Variants in ATP13A5 observed in about 807,000 individuals in gnomAD.
The protein encoded by ATP13A5 is ATPase 13A5.
ATP13A5 carries 149 observed loss-of-function variants against 150.2 expected under a neutral mutation model. That is an observed-to-expected ratio of 0.99 (90% CI 0.87 to 1.14). The LOEUF (loss-of-function observed/expected upper bound fraction) is 1.14. ATP13A5 is among the 50% of genes most tolerant of loss of function. The probability of loss-of-function intolerance (pLI) is 0.00; values close to 1 mark genes in which losing one functional copy is unlikely to be tolerated. For missense variants in ATP13A5, 1,383 were observed against 1,449.3 expected, an observed-to-expected ratio of 0.95 and a Z score of 0.74; for synonymous variants, 497 against 522.2, an observed-to-expected ratio of 0.95 and a Z score of 0.66.
At chr3:193,321,067 C>T (rs975900390) in intron 16 of ATP13A5, among the ~76,000 whole-genome samples, 4 of 152,200 alleles carry the variant, frequency 2.6e-5, no homozygotes, top group Admixed American at 1.3e-4. Context: ...CTCCATTTCC[C>T]TCATTCACAC....
chr3:193,339,070 T>C (rs1220227078), intron 9 of ATP13A5, among the ~76,000 whole-genome samples: 3 of 151,800 alleles, frequency 2.0e-5, no homozygotes, highest in East Asian at 1.9e-4. Flanking sequence ...TCTGTGGGAT[T>C]GGTGGTGATA....
chr3:193,290,678 C>G (rs1717915031), intron 25 of ATP13A5, among the ~76,000 whole-genome samples: 1 of 152,048 alleles, frequency 6.6e-6, no homozygotes, highest in Non-Finnish European at 1.5e-5. Context: ...AATATTGCTT[C>G]TAGATGAGAG....
chr3:193,297,579 C>T (rs1490586780), intron 25 of ATP13A5, among the ~76,000 whole-genome samples: 1 of 152,000 alleles, frequency 6.6e-6, no homozygotes, highest in African/African-American at 2.4e-5. Context: ...ATTAAAGTGC[C>T]GTCACTCTGA....
At chr3:193,292,247 G>A (rs1381374277) in intron 25 of ATP13A5, among the ~76,000 whole-genome samples, 1 of 152,088 alleles carries the variant, frequency 6.6e-6, no homozygotes, top group Admixed American at 6.5e-5. Flanking sequence ...TTTAGTGCTT[G>A]GAGTTCTCTC....
chr3:193,321,488 G>C (rs537337625), intron 16 of ATP13A5, among the ~76,000 whole-genome samples, 193 bp downstream of exon 16: 3 of 152,072 alleles, frequency 2.0e-5, no homozygotes, highest in African/African-American at 4.8e-5. Context: ...AAAATTAGCC[G>C]GGTGTGGTGG....
At chr3:193,339,507 A>C (rs1373322657) in intron 9 of ATP13A5, among the ~76,000 whole-genome samples, 2 of 152,188 alleles carry the variant, frequency 1.3e-5, no homozygotes, top group Non-Finnish European at 2.9e-5. Flanking sequence ...TGGTTTTTCA[A>C]AACTCATTTT....
chr3:193,311,771 C>T lies in ATP13A5; in HGVS notation c.2445+45G>A, dbSNP rs1485215005. ...ATACTCTCCTCCTCCTTTCGCCTCGCTGATTTGAGGAGCAAAACAAAACAC... is the reference window on the plus strand; with the variant it reads ...ATACTCTCCTCCTCCTTTCGCCTCGTTGATTTGAGGAGCAAAACAAAACAC... On this transcript the variant is annotated intron_variant, in intron 20 of 29. Transcript: ENST00000342358. 1.1e-5 allele frequency: 18 copies of T among 1,607,242 alleles called. No homozygotes were observed. The South Asian group carries it at 2.0e-4, about 18-fold the overall frequency.
At chr3:193,376,352 G>A (rs947756766) in intron 1 of ATP13A5, among the ~76,000 whole-genome samples, 3 of 152,068 alleles carry the variant, frequency 2.0e-5, no homozygotes, top group African/African-American at 7.2e-5. Flanking sequence ...ATGGTAGAAG[G>A]GACAAGGGAG....
intron 1 of ATP13A5, among the ~76,000 whole-genome samples, chr3:193,377,124 T>C (rs906318015): frequency 6.6e-6 from 1 of 152,180 alleles, no homozygotes; most frequent in Non-Finnish European, 1.5e-5. Context: ...ACTTTACAAA[T>C]AAAGCAACTA....
At chr3:193,299,805 C>G (rs1039278244) in intron 24 of ATP13A5, among the ~76,000 whole-genome samples, 1 of 152,144 alleles carries the variant, frequency 6.6e-6, no homozygotes, top group African/African-American at 2.4e-5. Flanking sequence ...TCATTACTCT[C>G]CAGGAAGTTG....
In ATP13A5 at chr3:193,305,567, A is replaced by T. The variant is rs769235600; in HGVS notation, c.2670T>A (p.His890Gln). Residue 890 changes from histidine to glutamine, a missense_variant, in exon 23 of 30, where the codon CAT becomes CAA. Around this residue, in one of 3 missense-constraint regions of ATP13A5, gnomAD observed 568 missense variants for 621.5 expected, o/e 0.91. Coordinates refer to ENST00000342358, the MANE Select transcript of ATP13A5 (RefSeq NM_198505.4). Reference protein sequence around the residue: ...SKTTNIQCVPHLIREGRAALV... With the variant: ...SKTTNIQCVPQLIREGRAALV... ...AGGAAAAAATGACTTACCTGATGAG[A>T]TGAGGCACACACTGGATGTTGGTTG... 1 of 1,613,602 alleles carries T rather than the reference A, an allele frequency of 6.2e-7. No individual in the cohort carries two copies. Among genetic ancestry groups the T allele is most frequent in the South Asian group, 1.1e-5 (1 of 91,072 alleles).
intron 25 of ATP13A5, among the ~76,000 whole-genome samples, chr3:193,293,729 A>G (rs957817193): frequency 6.6e-6 from 1 of 152,134 alleles, no homozygotes; most frequent in Non-Finnish European, 1.5e-5. Context: ...CCTAAACTAC[A>G]TGCAGAATTT....
intron 18 of ATP13A5, 169 bp from the exon 19 acceptor site, chr3:193,314,362 T>A: frequency 4.8e-6 from 3 of 629,400 alleles, no homozygotes; most frequent in Non-Finnish European, 8.1e-6. Flanking sequence ...GCAAACACTA[T>A]GTTCCCATCT....
intron 5 of ATP13A5, among the ~76,000 whole-genome samples, chr3:193,359,081 GAT>G (rs10542234): frequency 0.43 from 64,943 of 151,176 alleles, 14,743 homozygotes; most frequent in African/African-American, 0.59. Context: ...TTAAAGAAAG[GAT>G]ATATATATAT....
chr3:193,311,215 G>A (rs1718833405), intron 20 of ATP13A5, among the ~76,000 whole-genome samples: 1 of 152,058 alleles, frequency 6.6e-6, no homozygotes. Flanking sequence ...AAGCCTTTGG[G>A]GTCTAGATTC....
At chr3:193,343,768 T>A (rs981168626) in intron 9 of ATP13A5, among the ~76,000 whole-genome samples, 159 bp downstream of exon 9, 1 of 152,182 alleles carries the variant, frequency 6.6e-6, no homozygotes, top group Non-Finnish European at 1.5e-5. Context: ...ACATTTCCTG[T>A]TTGTGTATAT....
chr3:193,368,776 C>A (rs1296208002), intron 1 of ATP13A5, among the ~76,000 whole-genome samples: 4 of 151,632 alleles, frequency 2.6e-5, no homozygotes, highest in Non-Finnish European at 5.9e-5. Context: ...CTGGTTTGTA[C>A]CATATACAAA....
intron 1 of ATP13A5, among the ~76,000 whole-genome samples, chr3:193,372,960 G>A (rs1713504228): frequency 6.6e-6 from 1 of 152,140 alleles, no homozygotes; most frequent in Admixed American, 6.5e-5. Flanking sequence ...TATACATGTT[G>A]ACTGAAAACA....
At chr3:193,332,236 T>C (rs1711661332) in intron 11 of ATP13A5, among the ~76,000 whole-genome samples, 1 of 152,224 alleles carries the variant, frequency 6.6e-6, no homozygotes, top group South Asian at 2.1e-4. Flanking sequence ...CCTGCCACCA[T>C]GTAAGACATG....
Sources: gnomAD v4.1 joint callset for allele counts (sites outside exome capture counted in the v4.1 genomes callset) on GRCh38, gnomAD v4.1.1 for gene constraint, gnomAD v4.1.1 regional missense constraint, MANE v1.5 for transcripts, NCBI Gene and HGNC (gene_info 2026-07-23, HGNC 2026-07-21) for gene names.